Variants in FRYL observed in about 807,000 individuals in gnomAD.
FRYL encodes protein furry homolog-like.
In FRYL, 150 loss-of-function variants were observed where a neutral mutation model predicts 351.2. That is an observed-to-expected ratio of 0.43 (90% CI 0.37 to 0.49). FRYL has a LOEUF of 0.49. FRYL is among the 20% of genes least tolerant of loss of function. The probability of loss-of-function intolerance (pLI) is 0.00; values close to 1 mark genes in which losing one functional copy is unlikely to be tolerated. For missense variants in FRYL, 3,036 were observed against 3,619.3 expected (o/e 0.84, Z 4.13); for synonymous variants, 1,153 against 1,257.1 (o/e 0.92, Z 1.75).
Position 48,544,838 on chromosome 4 carries a change from T to C in FRYL, c.5346A>G (p.Glu1782=), listed in dbSNP as rs777550482. 5 of 1,610,770 alleles carry C rather than the reference T, an allele frequency of 3.1e-6. No homozygotes were observed. In the Admixed American group the frequency reaches 8.4e-5, roughly 27 times the overall value. ...CATGTTTCAAAAATGTAGTTAACTG[T>C]TCAGCACTCTTTATGCTAGGATTCT... ...SAKNPSIKSA[E]QLTTFLKHVV... Residue 1782 remains glutamate (E), a synonymous_variant, in exon 43 of 64, where the codon GAA becomes GAG. Coordinates refer to ENST00000358350, the MANE Select transcript of FRYL (RefSeq NM_015030.2).
chr4:48,620,998 T>C (rs1332815287), intron 5 of FRYL, among the ~76,000 whole-genome samples: 1 of 152,210 alleles, frequency 6.6e-6, no homozygotes, highest in African/African-American at 2.4e-5. Flanking sequence ...TTTAGCTCAA[T>C]GGCTTTCAAC....
At chr4:48,629,259 T>C (rs1190382746) in intron 4 of FRYL, among the ~76,000 whole-genome samples, 2 of 152,118 alleles carry the variant, frequency 1.3e-5, no homozygotes, top group Non-Finnish European at 2.9e-5. Flanking sequence ...TAATCTGTAA[T>C]TGGAGATGGC....
chr4:48,740,409 C>T (rs1387514861), intron 1 of FRYL, among the ~76,000 whole-genome samples: 1 of 151,614 alleles, frequency 6.6e-6, no homozygotes, highest in Non-Finnish European at 1.5e-5. Flanking sequence ...ATTCTCCTGC[C>T]TCAGCCTCCT....
At chr4:48,614,589 A>G (rs1748951613) in intron 7 of FRYL, among the ~76,000 whole-genome samples, 2 of 151,390 alleles carry the variant, frequency 1.3e-5, no homozygotes, top group Non-Finnish European at 1.5e-5. Flanking sequence ...AGGCTTAGTG[A>G]CGTGCACCTG....
At chr4:48,530,059 T>C (rs895683776) in intron 50 of FRYL, among the ~76,000 whole-genome samples, 3 of 152,202 alleles carry the variant, frequency 2.0e-5, no homozygotes, top group African/African-American at 7.2e-5. Context: ...CACCCAAGTT[T>C]TCCTCTAAAA....
intron 36 of FRYL, among the ~76,000 whole-genome samples, chr4:48,551,921 T>C (rs1055622454): frequency 1.3e-5 from 2 of 152,086 alleles, no homozygotes; most frequent in African/African-American, 2.4e-5. Context: ...TGCGAAAAAA[T>C]AGGAAACCTG....
chr4:48,710,955 T>C (rs1468658432), intron 1 of FRYL, among the ~76,000 whole-genome samples: 2 of 152,176 alleles, frequency 1.3e-5, no homozygotes, highest in Non-Finnish European at 2.9e-5. Context: ...ATGTCATCAA[T>C]TGATGAACAG....
In FRYL at chr4:48,567,490, A is replaced by G; in HGVS notation, c.2997-70T>C. ...ATGATTTAAATAAAAAATTCTTAAT[A>G]CTCAAAATCAGAATAATACATGTTA... On this transcript the variant is annotated intron_variant, in intron 27 of 63. Transcript: ENST00000358350. This position sits in a 1 kb window ranked among gnomAD's most constrained non-coding sequence, Gnocchi z 4.2. 1 of 1,155,382 alleles carries G rather than the reference A, an allele frequency of 8.7e-7. No homozygotes were observed. The highest frequency in any genetic ancestry group is 1.2e-6 in the Non-Finnish European group (1 of 833,022). 71.6% of individuals were successfully genotyped at this position (1,155,382 alleles called of 1,614,324 possible).
At chr4:48,587,344 A>G (rs1415786874) in intron 18 of FRYL, among the ~76,000 whole-genome samples, 1 of 152,028 alleles carries the variant, frequency 6.6e-6, no homozygotes, top group African/African-American at 2.4e-5. Context: ...TAATTTTACT[A>G]TATTTTCTTC....
intron 1 of FRYL, among the ~76,000 whole-genome samples, chr4:48,720,187 C>T (rs1769314483): frequency 7.0e-6 from 1 of 142,326 alleles, no homozygotes; most frequent in Admixed American, 7.3e-5. Context: ...TATAATTTAC[C>T]ATCTTAACCA....
chr4:48,714,770 T>C (rs1352734925), intron 1 of FRYL, among the ~76,000 whole-genome samples: 1 of 151,264 alleles, frequency 6.6e-6, no homozygotes, highest in African/African-American at 2.4e-5. Context: ...TAACTCATTT[T>C]ATGAGACCAG....
chr4:48,542,271 C>A, intron 44 of FRYL, 150 bp from the exon 45 acceptor site: 1 of 631,100 alleles, frequency 1.6e-6, no homozygotes. Flanking sequence ...CTGATTGATG[C>A]AAACTCATCC....
intron 23 of FRYL, among the ~76,000 whole-genome samples, chr4:48,576,783 T>A (rs1164020284): frequency 6.6e-6 from 1 of 152,232 alleles, no homozygotes; most frequent in East Asian, 1.9e-4. Flanking sequence ...TATAACTTAC[T>A]ATGCATACTC....
chr4:48,577,309 T>C (rs1191718131), intron 23 of FRYL, among the ~76,000 whole-genome samples: 1 of 152,204 alleles, frequency 6.6e-6, no homozygotes, highest in Non-Finnish European at 1.5e-5. Context: ...AATTAAGAAC[T>C]GAGAGCAAAA....
intron 42 of FRYL, 61 bp downstream of exon 42, chr4:48,546,006 G>T: frequency 1.4e-6 from 2 of 1,452,278 alleles, no homozygotes; most frequent in Non-Finnish European, 9.5e-7. Context: ...CATAATACCT[G>T]ATCAATGAAA....
chr4:48,527,720 C>G, intron 52 of FRYL, 67 bp from the exon 53 acceptor site: 2 of 1,461,126 alleles, frequency 1.4e-6, no homozygotes, highest in Non-Finnish European at 1.9e-6. Context: ...TATGAGGTAT[C>G]AGTACCCCAA....
At chr4:48,671,858 C>CAAAAAAAAAAAAAAAAAAAAAAAAAAA (rs1226492542) in intron 3 of FRYL, among the ~76,000 whole-genome samples, 1 of 22,400 alleles carries the variant, frequency 4.5e-5, no homozygotes, top group Non-Finnish European at 8.9e-5. Context: ...GTCTCAAAAA[C>CAAAAAAAAAAAAAAAAAAAAAAAAAAA]AAAAAAAAAA....
intron 55 of FRYL, among the ~76,000 whole-genome samples, chr4:48,517,882 C>T (rs1261561633): frequency 6.6e-6 from 1 of 152,112 alleles, no homozygotes; most frequent in Admixed American, 6.5e-5. Flanking sequence ...TAATTATATT[C>T]TTTGTCTTAA....
At position 48,710,696 on chromosome 4, in the gene FRYL, A is replaced by G; in HGVS notation, c.-381T>C. On this transcript the variant is annotated splice_region_variant and 5_prime_UTR_variant, in exon 2 of 64. Transcript: ENST00000358350. ...TGTGAAGCAGAATATGGAATGTTCTAGGCTGGAAGATTAAAAAATAGGAAA... is the reference window on the plus strand; with the variant it reads ...TGTGAAGCAGAATATGGAATGTTCTGGGCTGGAAGATTAAAAAATAGGAAA... 2.5e-6 allele frequency: 1 copy of G among 397,938 alleles called. No individual in the cohort carries two copies. 24.7% of individuals were successfully genotyped at this position (397,938 alleles called of 1,614,324 possible).
Sources: allele counts gnomAD v4.1 joint callset (sites outside exome capture counted in the v4.1 genomes callset), GRCh38; gene constraint gnomAD v4.1.1; non-coding constraint Gnocchi (gnomAD v3.1); transcripts MANE v1.5; gene names NCBI Gene and HGNC (gene_info 2026-07-23, HGNC 2026-07-21).